The following MYH6 variants were observed in gnomAD, a reference collection of about 807,000 sequenced individuals.
The protein encoded by MYH6 is myosin heavy chain 6.
A neutral mutation model predicts 223.2 loss-of-function variants in MYH6; 126 were observed. That is an observed-to-expected ratio of 0.56 (90% CI 0.49 to 0.65). MYH6 has a LOEUF of 0.65. Ranked by LOEUF, MYH6 falls within the 30% of genes least tolerant of loss-of-function variation. The pLI is 0.00. For missense variants in MYH6, 2,040 were observed against 2,536.4 expected, an observed-to-expected ratio of 0.80 and a Z score of 4.20; for synonymous variants, 978 against 1,010.2, an observed-to-expected ratio of 0.97 and a Z score of 0.61.
chr14:23,387,601 A>AT lies in MYH6; in HGVS notation c.4577dup (p.His1526GlnfsTer2). ...GCTGTTTGCGGACCTTCTCCAGCTC[A>AT]TGCACATTCTTTCCTCCTTCTCCTA... On this transcript the variant is annotated frameshift_variant, in exon 32 of 39. Coordinates refer to ENST00000405093, the MANE Select transcript of MYH6 (RefSeq NM_002471.4). LOFTEE classifies it high-confidence loss of function. The AT allele has an allele frequency of 6.2e-7, 1 of 1,614,018 alleles. No individual in the cohort carries two copies. Among genetic ancestry groups the AT allele is most frequent in the Non-Finnish European group, 8.5e-7 (1 of 1,179,980 alleles).
intron 13 of MYH6, 52 bp downstream of exon 13, chr14:23,400,657 A>G: frequency 1.2e-6 from 2 of 1,613,864 alleles, no homozygotes; most frequent in South Asian, 2.2e-5. Context: ...TGGCTGTTGA[A>G]TGTAGGAGCA....
Position 23,397,626 on chromosome 14 carries a change from A to G in MYH6, c.1892-13T>C. On this transcript the variant is annotated splice_polypyrimidine_tract_variant and intron_variant, in intron 15 of 38. Coordinates refer to ENST00000405093, the MANE Select transcript of MYH6 (RefSeq NM_002471.4). ...TTACCACTGTCCCCTAAACAGCGAG[A>G]GGAGAAATAATCAACAGGAGCTGGA... 6.2e-7 allele frequency: 1 copy of G among 1,613,836 alleles called. No individual in the cohort carries two copies. The highest frequency in any genetic ancestry group is 2.2e-5 in the East Asian group (1 of 44,876).
chr14:23,403,477 G>C lies in MYH6; in HGVS notation c.800-31C>G, dbSNP rs763903907. 2.5e-6 allele frequency: 4 copies of C among 1,583,994 alleles called. No homozygotes were observed. The Admixed American group carries it at 6.7e-5, about 26-fold the overall frequency. On this transcript the variant is annotated intron_variant, in intron 9 of 38. Coordinates refer to ENST00000405093, the MANE Select transcript of MYH6 (RefSeq NM_002471.4). ...GTGGGTGGAGGGGAGGAAGGCAGGT[G>C]AGGAAGGAAAGAGAGTAGAGCCAGA...
intron 1 of MYH6, 48 bp downstream of exon 1, chr14:23,408,205 G>A (rs899817744): frequency 1.0e-6 from 1 of 984,338 alleles, no homozygotes; most frequent in Non-Finnish European, 1.2e-6. Flanking sequence ...TCACGGTGGG[G>A]GCTCTGTGGA....
chr14:23,396,162 G>T (rs902539534), intron 20 of MYH6, 122 bp downstream of exon 20: 4 of 1,249,300 alleles, frequency 3.2e-6, no homozygotes, highest in African/African-American at 1.5e-5. Flanking sequence ...ATTCGAAGTG[G>T]TAAAGTAACT....
rs534493127 is a variant in MYH6 at position 23,405,888 on chromosome 14, G to A, written c.202-118C>T. Reference sequence around the variant, plus strand: ...GACTTGGCCTTGCTCCCCTTGCTCTGACCAGTGCCCCGGCCCCTACCCCGA... The same window carrying A: ...GACTTGGCCTTGCTCCCCTTGCTCTAACCAGTGCCCCGGCCCCTACCCCGA... On this transcript the variant is annotated intron_variant, in intron 3 of 38. Transcript: ENST00000405093. The surrounding 1 kb of genome is among the most constrained non-coding windows in gnomAD (Gnocchi z 4.7). The A allele has an allele frequency of 5.8e-4, 764 of 1,325,052 alleles. No individual in the cohort carries two copies. Among genetic ancestry groups the A allele is most frequent in the Middle Eastern group, 7.9e-4 (4 of 5,088 alleles). 82.1% of individuals were successfully genotyped at this position (1,325,052 alleles called of 1,614,324 possible).
At chr14:23,399,374 C>T (rs1001192248) in intron 14 of MYH6, among the ~76,000 whole-genome samples, 10 of 152,114 alleles carry the variant, frequency 6.6e-5, no homozygotes, top group Admixed American at 6.5e-5. Context: ...TCAGAGGCAC[C>T]GGGCCAGGCT....
Position 23,400,860 on chromosome 14 carries a change from T to A in MYH6, c.1259A>T (p.Gln420Leu). 1 of 1,614,234 alleles carries A rather than the reference T, an allele frequency of 6.2e-7. No homozygotes were observed. The highest frequency in any genetic ancestry group is 8.5e-7 in the Non-Finnish European group (1 of 1,180,026). ...EYVTKGQSVQQVYYSIGALAK... is the reference protein window; with the variant it reads ...EYVTKGQSVQLVYYSIGALAK... ...CAGAGCCCCGATGGAGTAGTACACC[T>A]GCTGCACGCTCTGCCCCTTGGTGAC... Residue 420 changes from glutamine to leucine, a missense_variant, in exon 13 of 39, where the codon CAG becomes CTG. Transcript: ENST00000405093.
Position 23,400,946 on chromosome 14 carries a change from C to T in MYH6, c.1173G>A (p.Leu391=). The part of the protein sequence containing the change: ...DADKSAYLMG[L]NSADLLKGLC... ...GCCCCTTGAGCAGGTCAGCTGAGTT[C>T]AGCCCCATGAGGTAGGCCGACTTGT... The change falls in exon 13 of 39, where the codon CTG becomes CTA. Residue 391 remains leucine, a synonymous_variant. Transcript: ENST00000405093. The T allele has an allele frequency of 1.2e-6, 2 of 1,614,190 alleles. No individual in the cohort carries two copies. The highest frequency in any genetic ancestry group is 1.1e-5 in the South Asian group (1 of 91,086).
At position 23,405,196 on chromosome 14, in the gene MYH6, G is replaced by A. The variant is rs1351511505; in HGVS notation, c.502+27C>T. The A allele has an allele frequency of 1.2e-6, 2 of 1,613,888 alleles. No homozygotes were observed. Among genetic ancestry groups the A allele is most frequent in the Non-Finnish European group, 1.7e-6 (2 of 1,180,050 alleles). ...TCTGGGTGGGTGTCTGGGAGGAGGA[G>A]CAGAGACCAGGGGCCACCAGGCTCA... On this transcript the variant is annotated intron_variant, in intron 5 of 38. Coordinates refer to ENST00000405093, the MANE Select transcript of MYH6 (RefSeq NM_002471.4). The surrounding 1 kb of genome is among the most constrained non-coding windows in gnomAD (Gnocchi z 4.7).
In MYH6 at chr14:23,388,232, C is replaced by T; in HGVS notation, c.4282G>A (p.Glu1428Lys). 1 of 1,612,702 alleles carries T rather than the reference C, an allele frequency of 6.2e-7. No homozygotes were observed. The highest frequency in any genetic ancestry group is 2.2e-5 in the East Asian group (1 of 44,874). The change falls in exon 30 of 39, where the codon GAG becomes AAG. Residue 1428 changes from glutamate (E) to lysine (K), a missense_variant. By Grantham distance (56) the Glu-to-Lys change is moderately conservative (BLOSUM62 1). Around this residue, in one of 4 missense-constraint regions of MYH6, gnomAD observed 1,203 missense variants for 1,400.2 expected, o/e 0.86. Transcript: ENST00000405093. ...CGCTCTACGTCCACCATCAAGTCCT[C>T]TATCTCATTCTGTAGCCGGTGCTTG... ...KTKHRLQNEIEDLMVDVERSN... is the reference protein window; with the variant it reads ...KTKHRLQNEIKDLMVDVERSN...
intron 21 of MYH6, 58 bp from the exon 22 acceptor site, chr14:23,393,966 A>G: frequency 6.2e-7 from 1 of 1,613,948 alleles, no homozygotes; most frequent in Admixed American, 1.7e-5. Flanking sequence ...CTAGGGTCTT[A>G]AAAAGAGCTG....
At chr14:23,403,004 G>C (rs1212369704) in intron 10 of MYH6, among the ~76,000 whole-genome samples, 1 of 151,914 alleles carries the variant, frequency 6.6e-6, no homozygotes, top group African/African-American at 2.4e-5. Flanking sequence ...TAGAAGAGGG[G>C]CCCTGGCAGG....
At chr14:23,401,484 T>A (rs1891600129) in intron 12 of MYH6, among the ~76,000 whole-genome samples, 1 of 152,260 alleles carries the variant, frequency 6.6e-6, no homozygotes, top group South Asian at 2.1e-4. Flanking sequence ...ACAGCCCCCT[T>A]ATCCGGCCCA....
At chr14:23,398,703 C>A (rs780036887) in intron 15 of MYH6, 25 bp downstream of exon 15, 14 of 1,612,744 alleles carry the variant, frequency 8.7e-6, no homozygotes, top group Admixed American at 1.7e-5. Flanking sequence ...AGTCCCCTGG[C>A]CCAGTGCAGG....
chr14:23,398,915 G>A lies in MYH6; in HGVS notation c.1704C>T (p.Arg568=), dbSNP rs1891514352. ...GGGCTTCCTGCTTCCCCTTGATGTT[G>A]CGTGGCTTCTGGAAATTGTTGGACT... ...LGKSNNFQKP[R]NIKGKQEAHF... Residue 568 remains arginine (R), a synonymous_variant, in exon 15 of 39, where the codon CGC becomes CGT. Transcript: ENST00000405093. 8 of 1,614,178 alleles carry A rather than the reference G, an allele frequency of 5.0e-6. No individual in the cohort carries two copies. The East Asian group carries it at 8.9e-5, about 18-fold the overall frequency.
At chr14:23,400,012 C>T (rs1157479097) in intron 14 of MYH6, 2 of 591,904 alleles carry the variant, frequency 3.4e-6, no homozygotes, top group East Asian at 6.1e-5. Flanking sequence ...CTCTCCTTCA[C>T]TACATCTCAC....
chr14:23,396,379 C>G lies in MYH6; in HGVS notation c.2334G>C (p.Met778Ile), dbSNP rs1367322391. ...TGATGCGGCTCAGCCTCTCATCCCG[C>G]ATCTCCTCCAGCAGCCCAAGCAGCC... ...KAGLLGLLEEMRDERLSRIIT... is the reference protein window; with the variant it reads ...KAGLLGLLEEIRDERLSRIIT... Residue 778 changes from methionine to isoleucine, a missense_variant, in exon 20 of 39, where the codon ATG (methionine) becomes ATC (isoleucine). Physicochemically the swap from Met to Ile is conservative, Grantham distance 10. Transcript: ENST00000405093. 1.2e-6 allele frequency: 2 copies of G among 1,614,072 alleles called. No individual in the cohort carries two copies. The highest frequency in any genetic ancestry group is 2.2e-5 in the South Asian group (2 of 91,088).
Position 23,404,881 on chromosome 14 carries a change from C to T in MYH6, c.531-59G>A, listed in dbSNP as rs182247201. ...TTCCTACTGTTCTCCATACAGGGCT[C>T]AGCATCACATGCTCCCCTTCCCAGC... On this transcript the variant is annotated intron_variant, in intron 6 of 38. Transcript: ENST00000405093. 133 of 1,549,566 alleles carry T rather than the reference C, an allele frequency of 8.6e-5. No homozygotes were observed. The African/African-American group carries it at 1.5e-3, about 17-fold the overall frequency.
Sources: allele counts gnomAD v4.1 joint callset (sites outside exome capture counted in the v4.1 genomes callset), GRCh38; gene constraint gnomAD v4.1.1; regional missense constraint gnomAD v4.1.1; non-coding constraint Gnocchi (gnomAD v3.1); transcripts MANE v1.5; gene names NCBI Gene and HGNC (gene_info 2026-07-23, HGNC 2026-07-21).